MYOM1: variants seen among roughly 807,000 people sequenced by gnomAD.
The protein encoded by MYOM1 is myomesin 1, also known as myomesin-1.
In MYOM1, 164 loss-of-function variants were observed where a neutral mutation model predicts 205.3. The observed-to-expected ratio is 0.80, with a 90% CI of 0.70 to 0.91. The LOEUF is 0.91. Among genes scored for constraint, MYOM1 ranks in the 40% least tolerant of loss-of-function variants. MYOM1 has a pLI of 0.00. For missense variants in MYOM1, 2,011 were observed against 2,127.3 expected (o/e 0.95, Z 1.08); for synonymous variants, 772 against 789.4 (o/e 0.98, Z 0.37).
At chr18:3,149,345 A>T in intron 12 of MYOM1, 144 bp from the exon 13 acceptor site, 1 of 634,618 alleles carries the variant, frequency 1.6e-6, no homozygotes, top group Non-Finnish European at 2.7e-6. Flanking sequence ...AATGGTATCA[A>T]TCATGTAGAG....
intron 25 of MYOM1, among the ~76,000 whole-genome samples, chr18:3,098,741 T>C (rs6506058): frequency 0.89 from 135,850 of 152,284 alleles, 60,740 homozygotes; most frequent in Admixed American, 0.93. Flanking sequence ...CAATACACTT[T>C]AGTACTTTCC....
chr18:3,150,272 G>A (rs1319604850), intron 12 of MYOM1, among the ~76,000 whole-genome samples: 1 of 152,090 alleles, frequency 6.6e-6, no homozygotes, highest in East Asian at 1.9e-4. Flanking sequence ...ATGTTGGCCC[G>A]GCTGGTCACG....
the MYOM1 span, among the ~76,000 whole-genome samples, chr18:3,243,158 G>T: frequency 6.6e-6 from 1 of 151,624 alleles, no homozygotes; most frequent in Non-Finnish European, 1.5e-5. Context: ...TGTAGTTTTG[G>T]TGCTCTAAAA....
chr18:3,126,868 A>C lies in MYOM1; in HGVS notation c.2824T>G (p.Cys942Gly), dbSNP rs2079794317. 6.2e-7 allele frequency: 1 copy of C among 1,612,004 alleles called. No homozygotes were observed. The highest frequency in any genetic ancestry group is 1.3e-5 in the African/African-American group (1 of 74,918). Residue 942 changes from cysteine to glycine, a missense_variant, in exon 19 of 38, where the codon TGT becomes GGT. Transcript: ENST00000356443. Reference sequence around the variant, plus strand: ...ATTGAGTCACGAAAACTTTCAAGACAGGTGATATCACAGGGTGGAGATGGT... The same window carrying C: ...ATTGAGTCACGAAAACTTTCAAGACCGGTGATATCACAGGGTGGAGATGGT... Reference protein sequence around the residue: ...APPSPPCDITCLESFRDSMVL... With the variant: ...APPSPPCDITGLESFRDSMVL...
intron 13 of MYOM1, among the ~76,000 whole-genome samples, chr18:3,142,751 T>C (rs948308366): frequency 6.6e-6 from 1 of 152,138 alleles, no homozygotes; most frequent in African/African-American, 2.4e-5. Context: ...ACAAGCAGGA[T>C]TTACCCTGGC....
chr18:3,238,808 G>A, the MYOM1 span, among the ~76,000 whole-genome samples: 1 of 151,888 alleles, frequency 6.6e-6, no homozygotes, highest in Non-Finnish European at 1.5e-5. Flanking sequence ...AGCTTCTAGA[G>A]GCTTCCTGCA....
At chr18:3,100,067 C>G (rs1488362365) in intron 25 of MYOM1, 92 bp downstream of exon 25, 19 of 1,302,546 alleles carry the variant, frequency 1.5e-5, no homozygotes, top group Non-Finnish European at 1.0e-5. Context: ...GAGTCTCTCT[C>G]TTAATCCCAT....
intron 2 of MYOM1, among the ~76,000 whole-genome samples, chr18:3,194,405 G>A (rs2080964623): frequency 6.6e-6 from 1 of 152,180 alleles, no homozygotes; most frequent in South Asian, 2.1e-4. Flanking sequence ...TTTACACTGA[G>A]ACCTTTATGT....
intron 5 of MYOM1, among the ~76,000 whole-genome samples, chr18:3,180,212 C>T (rs1004884539): frequency 6.6e-6 from 1 of 152,158 alleles, no homozygotes; most frequent in Non-Finnish European, 1.5e-5. Context: ...CTTTCCATTA[C>T]TACTCAATTT....
chr18:3,206,104 G>A (rs2081120401), intron 2 of MYOM1, among the ~76,000 whole-genome samples: 1 of 152,190 alleles, frequency 6.6e-6, no homozygotes, highest in African/African-American at 2.4e-5. Flanking sequence ...GCTTCTGTCT[G>A]GGGTTATCAG....
the MYOM1 span, among the ~76,000 whole-genome samples, chr18:3,228,585 G>A: frequency 2.6e-5 from 4 of 151,916 alleles, no homozygotes; most frequent in East Asian, 1.9e-4. This position sits in a 1 kb window ranked among gnomAD's most constrained non-coding sequence, Gnocchi z 4.5. Flanking sequence ...AATTCATTTC[G>A]AATTTCCTTT....
intron 30 of MYOM1, among the ~76,000 whole-genome samples, chr18:3,085,780 G>GAA (rs1490914760): frequency 6.6e-6 from 1 of 152,154 alleles, no homozygotes; most frequent in African/African-American, 2.4e-5. Flanking sequence ...AATGAAGAAT[G>GAA]ATCCACTTCA....
At chr18:3,227,687 C>T in the MYOM1 span, among the ~76,000 whole-genome samples, 1 of 152,084 alleles carries the variant, frequency 6.6e-6, no homozygotes, top group Admixed American at 6.6e-5. Flanking sequence ...GGTATGGTGG[C>T]AGGCACCTGT....
chr18:3,086,191 A>G, intron 29 of MYOM1, 40 bp from the exon 30 acceptor site: 2 of 1,336,150 alleles, frequency 1.5e-6, no homozygotes, highest in Non-Finnish European at 2.1e-6. Flanking sequence ...AAAATAAGAA[A>G]GTGTACTCTT....
intron 14 of MYOM1, among the ~76,000 whole-genome samples, chr18:3,140,998 C>A (rs913454444): frequency 7.2e-5 from 11 of 152,128 alleles, no homozygotes; most frequent in African/African-American, 2.7e-4. Flanking sequence ...CTTTCATTTT[C>A]TCAATTATAT....
intron 2 of MYOM1, among the ~76,000 whole-genome samples, chr18:3,203,882 AT>A (rs1024822568): frequency 1.3e-5 from 2 of 151,994 alleles, no homozygotes; most frequent in Non-Finnish European, 2.9e-5. Flanking sequence ...TTCATAAAAT[AT>A]TAAGAAATGG....
intron 18 of MYOM1, among the ~76,000 whole-genome samples, chr18:3,127,305 A>ATATATATT (rs56880961): frequency 6.3e-4 from 30 of 47,566 alleles, no homozygotes; most frequent in South Asian, 1.8e-3. Context: ...ATATATATAT[A>ATATATATT]TTTTTTTTTT....
intron 20 of MYOM1, among the ~76,000 whole-genome samples, chr18:3,119,198 A>G (rs2079650137): frequency 1.3e-5 from 2 of 152,012 alleles, no homozygotes; most frequent in Admixed American, 1.3e-4. Flanking sequence ...GAAGAACAGT[A>G]TTTGCCAGGT....
At position 3,219,362 on chromosome 18, in the gene MYOM1, A is replaced by C. The variant is rs11877876; in HGVS notation, c.-29+441T>G. 7.4e-3 allele frequency among the ~76,000 whole-genome samples: 1,134 copies of C among 152,258 alleles called. 10 individuals carry two copies. Among genetic ancestry groups the C allele is most frequent in the African/African-American group, 0.026 (1,087 of 41,556 alleles). On this transcript the variant is annotated intron_variant, in intron 1 of 37. Coordinates refer to ENST00000356443, the MANE Select transcript of MYOM1 (RefSeq NM_003803.4). This position sits in a 1 kb window ranked among gnomAD's most constrained non-coding sequence, Gnocchi z 4.4. ...CGTCACAGCAAGATCCCTGAATTAT[A>C]AACTAGTGACTTCAGAGTTAATTTT...
Sources: allele counts gnomAD v4.1 joint callset (sites outside exome capture counted in the v4.1 genomes callset), GRCh38; gene constraint gnomAD v4.1.1; non-coding constraint Gnocchi (gnomAD v3.1); transcripts MANE v1.5; gene names NCBI Gene and HGNC (gene_info 2026-07-23, HGNC 2026-07-21).